Variants in SLC11A2 observed in about 807,000 individuals in gnomAD.
SLC11A2 encodes natural resistance-associated macrophage protein 2.
In SLC11A2, 38 loss-of-function variants were observed where a neutral mutation model predicts 68.0. The observed-to-expected ratio is 0.56, with a 90% CI of 0.43 to 0.73. The LOEUF is 0.73. SLC11A2 is among the 30% of genes least tolerant of loss of function. SLC11A2 has a pLI of 0.00. For synonymous variants in SLC11A2, 242 were observed against 250.6 expected (o/e 0.97, Z 0.32); for missense variants, 517 against 690.5 (o/e 0.75, Z 2.82).
rs1001573784 is a variant in SLC11A2, at chr12:51,025,710, T to C, written c.-39+600A>G. 6.1e-6 allele frequency: 6 copies of C among 976,068 alleles called. No homozygotes were observed. The East Asian group carries it at 3.4e-4, about 56-fold the overall frequency. 60.5% of individuals were successfully genotyped at this position (976,068 alleles called of 1,614,324 possible). A position where few individuals can be genotyped will look rare whatever the true frequency, so the allele number is the denominator to read the frequency against. On this transcript the variant is annotated intron_variant, in intron 1 of 15. Coordinates refer to ENST00000262052, the MANE Select transcript of SLC11A2 (RefSeq NM_000617.3). ...TCCCCCTGTAGAAAAACCCTGCTCA[T>C]TGGAGCCTGGAATCCAGAGGGTCCC...
At chr12:50,991,377 T>C (rs1251570167) in intron 14 of SLC11A2, 11 of 587,732 alleles carry the variant, frequency 1.9e-5, no homozygotes, top group South Asian at 4.0e-5. Context: ...AGAGTTATGC[T>C]GTAAAAGCTG....
In SLC11A2 at chr12:50,992,088, T is replaced by G. The variant is rs1260556665; in HGVS notation, c.1347+102A>C. ...GCAGACCACAACCATGCCTCTGTCT[T>G]CCTCTCAATATCCCCCCAGCACTCA... On this transcript the variant is annotated intron_variant, in intron 13 of 15. Transcript: ENST00000262052. 4.4e-6 allele frequency: 5 copies of G among 1,136,486 alleles called. No homozygotes were observed. In the African/African-American group the frequency reaches 6.1e-5, roughly 14 times the overall value. The allele number at this position is 1,136,486 out of a possible 1,614,324, so 70.4% of individuals were successfully genotyped here.
chr12:50,979,967 T>C (rs1939927157), downstream of SLC11A2: 1 of 453,952 alleles, frequency 2.2e-6, no homozygotes, highest in Non-Finnish European at 4.4e-6. Context: ...GGCTCACGCC[T>C]ATAATCTCAG....
At chr12:51,008,870 C>G (rs936021022) in intron 2 of SLC11A2, among the ~76,000 whole-genome samples, 10 of 152,138 alleles carry the variant, frequency 6.6e-5, no homozygotes, top group Admixed American at 4.6e-4. Context: ...CTCCCTCCCC[C>G]TCCCCCAGTC....
At chr12:50,960,939 C>A in the SLC11A2 span, 11 of 1,535,524 alleles carry the variant, frequency 7.2e-6, no homozygotes, top group East Asian at 2.7e-4. Flanking sequence ...CTCAGCCTTC[C>A]AAATAACCCA....
intron 1 of SLC11A2, among the ~76,000 whole-genome samples, chr12:51,013,489 G>T (rs1180296186): frequency 1.3e-5 from 2 of 151,304 alleles, no homozygotes; most frequent in African/African-American, 4.9e-5. Flanking sequence ...GTACAGACAG[G>T]GTTTCATCAT....
chr12:51,026,308 A>C lies in SLC11A2; in HGVS notation c.-39+2T>G. 1.6e-6 allele frequency: 2 copies of C among 1,256,856 alleles called. No individual in the cohort carries two copies. Among genetic ancestry groups the C allele is most frequent in the Non-Finnish European group, 2.1e-6 (2 of 966,436 alleles). 77.9% of individuals were successfully genotyped at this position (1,256,856 alleles called of 1,614,324 possible). ...TGACCCCTGACCTTGCCTTCCCCTCACCTTACCAGCTCCGCAACCACCTGA... is the reference window on the plus strand; with the variant it reads ...TGACCCCTGACCTTGCCTTCCCCTCCCCTTACCAGCTCCGCAACCACCTGA... On this transcript the variant is annotated splice_donor_variant, in intron 1 of 15. Coordinates refer to ENST00000262052, the MANE Select transcript of SLC11A2 (RefSeq NM_000617.3). LOFTEE classifies it low-confidence loss of function (5UTR_SPLICE).
the SLC11A2 span, among the ~76,000 whole-genome samples, chr12:50,961,870 C>T: frequency 6.6e-6 from 1 of 152,106 alleles, no homozygotes; most frequent in East Asian, 1.9e-4. Flanking sequence ...TGGTAATAAT[C>T]TTATTACTGT....
At chr12:50,959,018 A>G in the SLC11A2 span, among the ~76,000 whole-genome samples, 5 of 152,250 alleles carry the variant, frequency 3.3e-5, no homozygotes, top group East Asian at 7.8e-4. Flanking sequence ...CTCTGTCTCA[A>G]AAGAAAAACA....
Position 50,991,389 on chromosome 12 carries a change from A to G in SLC11A2, c.1421+210T>C. 17 of 595,302 alleles carry G rather than the reference A, an allele frequency of 2.9e-5. No homozygotes were observed. In the South Asian group the frequency reaches 3.4e-4, roughly 12 times the overall value. 36.9% of individuals were successfully genotyped at this position (595,302 alleles called of 1,614,324 possible). A position where few individuals can be genotyped will look rare whatever the true frequency, so the allele number is the denominator to read the frequency against. Reference sequence around the variant, plus strand: ...TGAAGAGTTATGCTGTAAAAGCTGAACTTTCTCTCCCCTTCATATGAAAGA... The same window carrying G: ...TGAAGAGTTATGCTGTAAAAGCTGAGCTTTCTCTCCCCTTCATATGAAAGA... On this transcript the variant is annotated intron_variant, in intron 14 of 15. Transcript: ENST00000262052.
intron 5 of SLC11A2, among the ~76,000 whole-genome samples, chr12:51,002,882 G>A (rs1279915089): frequency 2.6e-5 from 4 of 151,240 alleles, no homozygotes; most frequent in African/African-American, 9.7e-5. Flanking sequence ...GGAGGTTGTG[G>A]TGAGCTGAGA....
At chr12:51,009,386 G>T in intron 2 of SLC11A2, 1 of 995,282 alleles carries the variant, frequency 1.0e-6, no homozygotes, top group Non-Finnish European at 1.3e-6. Flanking sequence ...GGAAGCAGAA[G>T]GTCTGGGAGA....
the SLC11A2 span, among the ~76,000 whole-genome samples, chr12:50,961,516 T>C: frequency 2.9e-5 from 3 of 102,252 alleles, no homozygotes; most frequent in African/African-American, 1.1e-4. Flanking sequence ...AAGAAGACAT[T>C]TTTAGAGTCC....
At chr12:50,990,462 C>A in intron 15 of SLC11A2, 2 of 237,348 alleles carry the variant, frequency 8.4e-6, no homozygotes, top group Non-Finnish European at 1.6e-5. Context: ...TCTTAGTAAC[C>A]AAAGTGAATT....
chr12:50,961,596 T>C, the SLC11A2 span, among the ~76,000 whole-genome samples: 1 of 152,226 alleles, frequency 6.6e-6, no homozygotes, highest in African/African-American at 2.4e-5. Context: ...TATTAGTCCA[T>C]AAATTAAGCA....
At chr12:50,984,806 T>G (rs1391778661), downstream of SLC11A2, among the ~76,000 whole-genome samples, 3 of 152,186 alleles carry the variant, frequency 2.0e-5, no homozygotes, top group Admixed American at 1.3e-4. Flanking sequence ...CTAATGCATA[T>G]TCTAGCACTA....
downstream of SLC11A2, chr12:50,979,534 G>C (rs1296843643): frequency 2.0e-5 from 4 of 204,082 alleles, no homozygotes; most frequent in Non-Finnish European, 4.0e-5. Flanking sequence ...TTCATCTAGA[G>C]TTGTTGTCCT....
At chr12:51,001,379 C>A (rs12368794) in intron 5 of SLC11A2, among the ~76,000 whole-genome samples, 1 of 151,860 alleles carries the variant, frequency 6.6e-6, no homozygotes, top group Non-Finnish European at 1.5e-5. Flanking sequence ...ACACTGGGGT[C>A]TACTTGATGG....
At chr12:50,967,117 A>T in the SLC11A2 span, among the ~76,000 whole-genome samples, 3 of 151,444 alleles carry the variant, frequency 2.0e-5, no homozygotes, top group African/African-American at 7.3e-5. Context: ...CAGTCTCAAA[A>T]AAAAAAAAAA....
Sources: gnomAD v4.1 joint callset for allele counts (sites outside exome capture counted in the v4.1 genomes callset) on GRCh38, gnomAD v4.1.1 for gene constraint, MANE v1.5 for transcripts, NCBI Gene and HGNC (gene_info 2026-07-23, HGNC 2026-07-21) for gene names.